The following LIN54 variants were observed in gnomAD, a reference collection of about 807,000 sequenced individuals.
The protein encoded by LIN54 is protein lin-54 homolog.
A neutral mutation model predicts 78.7 loss-of-function variants in LIN54; 9 were observed. The ratio of observed to expected loss-of-function variants is 0.11; its 90% CI spans 0.07 to 0.20. LIN54 has a LOEUF of 0.20. Among genes scored for constraint, LIN54 ranks in the 10% least tolerant of loss-of-function variants. The probability of loss-of-function intolerance (pLI) is 1.00; values close to 1 mark genes in which losing one functional copy is unlikely to be tolerated. For synonymous variants in LIN54, 269 were observed against 318.4 expected (o/e 0.84, Z 1.65); for missense variants, 573 against 889.9 (o/e 0.64, Z 4.53).
intron 7 of LIN54, 136 bp downstream of exon 7, chr4:82,939,403 G>A (rs1722652054): frequency 6.7e-6 from 5 of 741,710 alleles, no homozygotes; most frequent in Middle Eastern, 3.8e-4. Flanking sequence ...AAAGGTTTGG[G>A]TTAACATTTT....
intron 4 of LIN54, among the ~76,000 whole-genome samples, chr4:82,969,077 C>A (rs1360782800): frequency 1.3e-5 from 2 of 152,152 alleles, no homozygotes; most frequent in Non-Finnish European, 2.9e-5. Context: ...GATAAAGAAA[C>A]CGTCCATCTA....
intron 4 of LIN54, among the ~76,000 whole-genome samples, chr4:82,962,290 A>G (rs967548296): frequency 1.3e-5 from 2 of 152,204 alleles, no homozygotes; most frequent in African/African-American, 4.8e-5. Flanking sequence ...CTTGAATTTC[A>G]GCTCTAAAAG....
At chr4:82,933,083 A>T (rs889976395) in intron 11 of LIN54, among the ~76,000 whole-genome samples, 14 of 151,956 alleles carry the variant, frequency 9.2e-5, no homozygotes, top group African/African-American at 3.4e-4. Context: ...CCACTTACCA[A>T]AGGAAAAAAT....
At chr4:82,947,394 TTGTGTGTGTGTGTG>T (rs57298736) in intron 4 of LIN54, among the ~76,000 whole-genome samples, 2,602 of 124,614 alleles carry the variant, frequency 0.021, 44 homozygotes, top group Non-Finnish European at 0.03. Flanking sequence ...CCCAGTTAAT[TTGTGTGTGTGTGTG>T]TGTGTGTGTG....
chr4:82,940,162 A>C (rs1307617042), intron 5 of LIN54, among the ~76,000 whole-genome samples, 200 bp from the exon 6 acceptor site: 1 of 152,220 alleles, frequency 6.6e-6, no homozygotes, highest in Non-Finnish European at 1.5e-5. Flanking sequence ...CTTATATCTA[A>C]GGTGGCTACA....
At chr4:82,941,306 TGAG>T (rs1393839896) in intron 5 of LIN54, among the ~76,000 whole-genome samples, 2 of 151,814 alleles carry the variant, frequency 1.3e-5, no homozygotes, top group East Asian at 3.9e-4. Flanking sequence ...GACGGAAGCA[TGAG>T]AAGTGGAAGC....
chr4:82,951,265 G>A (rs954535502), intron 4 of LIN54, among the ~76,000 whole-genome samples: 2 of 152,144 alleles, frequency 1.3e-5, no homozygotes, highest in Non-Finnish European at 2.9e-5. Flanking sequence ...CAGCACTGAT[G>A]TATTGACTGG....
intron 1 of LIN54, among the ~76,000 whole-genome samples, chr4:83,001,141 G>A (rs1728728511): frequency 6.6e-6 from 1 of 152,096 alleles, no homozygotes; most frequent in African/African-American, 2.4e-5. Flanking sequence ...TTCTTACAGA[G>A]AAAACTGTGT....
Position 82,984,628 on chromosome 4 carries a change from T to C in LIN54, c.217A>G (p.Thr73Ala). 2 of 1,614,220 alleles carry C rather than the reference T, an allele frequency of 1.2e-6. No homozygotes were observed. The highest frequency in any genetic ancestry group is 8.5e-7 in the Non-Finnish European group (1 of 1,180,022). ...TEPITVYSNH[T>A]NQVAVNTTIT... is the part of the protein sequence containing the mutation. ...GTGGTATTCACTGCAACTTGGTTAGTGTGGTTACTGTACACTGTGATTGGT... is the reference window on the plus strand; with the variant it reads ...GTGGTATTCACTGCAACTTGGTTAGCGTGGTTACTGTACACTGTGATTGGT... The change falls in exon 2 of 13, where the codon ACT becomes GCT. Residue 73 changes from threonine to alanine, a missense_variant. Thr to Ala is a moderately conservative substitution (Grantham distance 58). Coordinates refer to ENST00000340417, the MANE Select transcript of LIN54 (RefSeq NM_194282.4).
upstream of LIN54, among the ~76,000 whole-genome samples, chr4:83,011,805 C>G (rs111355760): frequency 7.7e-3 from 1,024 of 133,466 alleles, 15 homozygotes; most frequent in Middle Eastern, 0.013. Context: ...CTGAAGAGAT[C>G]AGCATTAAAA....
chr4:82,963,137 G>GT (rs1480839570), intron 4 of LIN54, among the ~76,000 whole-genome samples: 1 of 151,928 alleles, frequency 6.6e-6, no homozygotes, highest in East Asian at 1.9e-4. Flanking sequence ...ATAGAAAAAA[G>GT]TATTAAAAAT....
At chr4:82,939,473 T>C in intron 7 of LIN54, 66 bp downstream of exon 7, 2 of 1,314,262 alleles carry the variant, frequency 1.5e-6, no homozygotes, top group Non-Finnish European at 2.2e-6. Context: ...GCTTCTGTGA[T>C]AGCACTAGAC....
intron 4 of LIN54, among the ~76,000 whole-genome samples, chr4:82,957,243 C>A (rs1038454151): frequency 1.3e-5 from 2 of 152,132 alleles, no homozygotes; most frequent in South Asian, 4.1e-4. Flanking sequence ...CACTTCCTGC[C>A]GGGATATTTG....
At chr4:83,010,902 C>T, upstream of LIN54, 4 of 1,090,940 alleles carry the variant, frequency 3.7e-6, no homozygotes, top group Non-Finnish European at 4.6e-6. Flanking sequence ...GGAAGCCTCC[C>T]GCCGCCCCGC....
chr4:82,947,196 C>CAAA (rs1432412368), intron 4 of LIN54, among the ~76,000 whole-genome samples: 2 of 97,810 alleles, frequency 2.0e-5, no homozygotes, highest in African/African-American at 8.1e-5. Context: ...TTCCCTGAGT[C>CAAA]AAAAAAAAAT....
At position 82,978,908 on chromosome 4, in the gene LIN54, A is replaced by C. The variant is rs1726388631; in HGVS notation, c.783T>G (p.Thr261=). 1 of 1,565,754 alleles carries C rather than the reference A, an allele frequency of 6.4e-7. No homozygotes were observed. The change falls in exon 3 of 13, where the codon ACT becomes ACG. Residue 261 remains threonine (T), a synonymous_variant. Coordinates refer to ENST00000340417, the MANE Select transcript of LIN54 (RefSeq NM_194282.4). ...CTGCAATAACTGGTGGTGAAACTTGAGTTGTCTGTCCTGTAACTGCTTTAC... is the reference window on the plus strand; with the variant it reads ...CTGCAATAACTGGTGGTGAAACTTGCGTTGTCTGTCCTGTAACTGCTTTAC... ...INSKAVTGQT[T]QVSPPVIAGR...
At chr4:82,965,063 C>T (rs942501172) in intron 4 of LIN54, among the ~76,000 whole-genome samples, 1 of 151,942 alleles carries the variant, frequency 6.6e-6, no homozygotes, top group Non-Finnish European at 1.5e-5. Flanking sequence ...TTGAAGAAAG[C>T]TGTATTTCTT....
At chr4:82,940,507 C>T (rs1722763525) in intron 5 of LIN54, among the ~76,000 whole-genome samples, 1 of 152,134 alleles carries the variant, frequency 6.6e-6, no homozygotes, top group African/African-American at 2.4e-5. Flanking sequence ...ATTCTTGTGC[C>T]TCAGCCTCCC....
intron 1 of LIN54, among the ~76,000 whole-genome samples, chr4:82,997,665 T>A (rs922905911): frequency 1.3e-5 from 2 of 151,944 alleles, no homozygotes; most frequent in Non-Finnish European, 2.9e-5. Flanking sequence ...AAGATACAGA[T>A]AAATGCTAGA....
Sources: allele counts gnomAD v4.1 joint callset (sites outside exome capture counted in the v4.1 genomes callset), GRCh38; gene constraint gnomAD v4.1.1; transcripts MANE v1.5; gene names NCBI Gene and HGNC (gene_info 2026-07-23, HGNC 2026-07-21).